ASB18: variants seen among roughly 807,000 people sequenced by gnomAD.
ASB18 encodes the protein ankyrin repeat and SOCS box protein 18.
Under a neutral mutation model 33.4 loss-of-function variants are expected in ASB18, and 33 were observed. The ratio of observed to expected loss-of-function variants is 0.99; its 90% CI spans 0.75 to 1.32. The LOEUF is 1.32. Ranked by LOEUF, ASB18 falls within the 40% of genes most tolerant of loss-of-function variation. The pLI, the probability that ASB18 is intolerant of heterozygous loss-of-function variation, is 0.00. For missense variants in ASB18, 694 were observed against 655.5 expected (o/e 1.06, Z -0.64); for synonymous variants, 295 against 307.6 (o/e 0.96, Z 0.43).
At position 236,203,884 on chromosome 2, in the gene ASB18, A is replaced by AAACCAACC. The variant is rs558164843; in HGVS notation, c.1102-7507_1102-7500dup. 1.0e-3 allele frequency among the ~76,000 whole-genome samples: 126 copies of AAACCAACC among 120,824 alleles called. 1 individual carries two copies. The highest frequency in any genetic ancestry group is 3.4e-3 in the African/African-American group (110 of 32,820). 79.3% of individuals were successfully genotyped at this position (120,824 alleles called of 152,430 possible). A position where few individuals can be genotyped will look rare whatever the true frequency, so the allele number is the denominator to read the frequency against. On this transcript the variant is annotated intron_variant, in intron 4 of 5. Transcript: ENST00000409749. This position sits in a 1 kb window ranked among gnomAD's most constrained non-coding sequence, Gnocchi z 6.0. ...CCCCTCTCAAAAACCAAACCAAACCAAACCAACCAACCAACCAACCAACCA... is the reference window on the plus strand; with the variant it reads ...CCCCTCTCAAAAACCAAACCAAACCAAACCAACCAACCAACCAACCAACCAACCAACCA...
rs2060654278 is a variant in ASB18, at chr2:236,248,521, A to T, written c.206-7119T>A. On this transcript the variant is annotated intron_variant, in intron 1 of 5. Transcript: ENST00000409749. This position sits in a 1 kb window ranked among gnomAD's most constrained non-coding sequence, Gnocchi z 4.9. ...GGCAGGAGAATTGCTTGAACCTGGG[A>T]GGCAGAGGTTGTGGTGAGTTGAGAT... 6.6e-6 allele frequency: 1 copy of T among 151,326 alleles called. No homozygotes were observed. Among genetic ancestry groups the T allele is most frequent in the Non-Finnish European group, 1.5e-5 (1 of 67,952 alleles). 9.4% of individuals were successfully genotyped at this position (151,326 alleles called of 1,614,324 possible).
In ASB18 at chr2:236,204,462, C is replaced by G. The variant is rs2060423359; in HGVS notation, c.1102-8077G>C. ...CTGCATTCAGGCCTGTTCCTCTTTT[C>G]CGTTTACTCTCACTTGCTGGTGATC... On this transcript the variant is annotated intron_variant, in intron 4 of 5. Transcript: ENST00000409749. The surrounding 1 kb of genome is among the most constrained non-coding windows in gnomAD (Gnocchi z 5.1). 6.6e-6 allele frequency among the ~76,000 whole-genome samples: 1 copy of G among 152,224 alleles called. No individual in the cohort carries two copies. The highest frequency in any genetic ancestry group is 6.5e-5 in the Admixed American group (1 of 15,284).
rs543479254 is a variant in ASB18 at position 236,259,665 on chromosome 2, C to G, written c.205+4476G>C. 2.2e-6 allele frequency: 1 copy of G among 454,908 alleles called. No homozygotes were observed. The highest frequency in any genetic ancestry group is 4.6e-6 in the Non-Finnish European group (1 of 217,126). The allele number at this position is 454,908 out of a possible 1,614,324, so 28.2% of individuals were successfully genotyped here. A position where few individuals can be genotyped will look rare whatever the true frequency, so the allele number is the denominator to read the frequency against. On this transcript the variant is annotated intron_variant, in intron 1 of 5. Transcript: ENST00000409749. The surrounding 1 kb of genome is among the most constrained non-coding windows in gnomAD (Gnocchi z 4.4). ...TGGGATGGGGATGCTGACTGTAGAG[C>G]GTGGGGGGCTCAGCCTCAGTGAGCC...
chr2:236,246,957 G>A (rs897602925), intron 1 of ASB18, among the ~76,000 whole-genome samples: 6 of 152,120 alleles, frequency 3.9e-5, no homozygotes, highest in Non-Finnish European at 8.8e-5. Context: ...ATAGCTTGTC[G>A]TTGGTTATTT....
At chr2:236,246,810 AAG>A (rs2060646814) in intron 1 of ASB18, among the ~76,000 whole-genome samples, 1 of 151,770 alleles carries the variant, frequency 6.6e-6, no homozygotes, top group South Asian at 2.1e-4. Flanking sequence ...TCCTTTCTCT[AAG>A]CATAGCCATT....
rs1330283143 is a variant in ASB18, at chr2:236,237,801, C to A, written c.484G>T (p.Gly162Trp). 33 of 1,425,336 alleles carry A rather than the reference C, an allele frequency of 2.3e-5. 1 individual carries two copies. Among genetic ancestry groups the A allele is most frequent in the South Asian group, 4.3e-5 (3 of 70,118 alleles). The allele number at this position is 1,425,336 out of a possible 1,614,324, so 88.3% of individuals were successfully genotyped here. A position where few individuals can be genotyped will look rare whatever the true frequency, so the allele number is the denominator to read the frequency against. The change falls in exon 3 of 6, where the codon GGG (glycine) becomes TGG (tryptophan). Residue 162 changes from glycine to tryptophan, a missense_variant. Physicochemically the swap from Gly to Trp is radical, Grantham distance 184 (BLOSUM62 -2). Coordinates refer to ENST00000409749, the MANE Select transcript of ASB18 (RefSeq NM_212556.4). The surrounding 1 kb of genome is among the most constrained non-coding windows in gnomAD (Gnocchi z 6.2). ...AGGCGGACGCAGGCGGTGTGGCCCC[C>A]GAGGCAGGCCTCGTGCAGGGCGCCG... ...GRGALHEACL[G>W]GHTACVRLLL...
chr2:236,228,244 T>C lies in ASB18; in HGVS notation c.596+9445A>G, dbSNP rs1312488178. Among the ~76,000 whole-genome samples the C allele has an allele frequency of 6.6e-6, 1 of 152,204 alleles. No individual in the cohort carries two copies. Among genetic ancestry groups the C allele is most frequent in the African/African-American group, 2.4e-5 (1 of 41,462 alleles). On this transcript the variant is annotated intron_variant, in intron 3 of 5. Coordinates refer to ENST00000409749, the MANE Select transcript of ASB18 (RefSeq NM_212556.4). This position sits in a 1 kb window ranked among gnomAD's most constrained non-coding sequence, Gnocchi z 5.1. ...GGAAATGTGTCACAAGGTTGGAACT[T>C]ACTCCCCAATATGATTGGCAGTATT...
chr2:236,242,849 C>T (rs1370880960), intron 1 of ASB18, among the ~76,000 whole-genome samples: 1 of 133,030 alleles, frequency 7.5e-6, no homozygotes, highest in Non-Finnish European at 1.6e-5. Flanking sequence ...AGGGTCCCCC[C>T]ATCTCTACAA....
In ASB18 at chr2:236,204,789, C is replaced by A. The variant is rs1489516992; in HGVS notation, c.1102-8404G>T. ...TTGCTCCTGTTTCTCCTACACTCCA[C>A]ATACCAAAAACTGAACTCCCTTGTT... On this transcript the variant is annotated intron_variant, in intron 4 of 5. Transcript: ENST00000409749. This position sits in a 1 kb window ranked among gnomAD's most constrained non-coding sequence, Gnocchi z 5.1. Among the ~76,000 whole-genome samples the A allele has an allele frequency of 2.0e-5, 3 of 151,936 alleles. No homozygotes were observed.
At chr2:236,240,158 T>C (rs975021185) in intron 2 of ASB18, among the ~76,000 whole-genome samples, 4 of 152,206 alleles carry the variant, frequency 2.6e-5, no homozygotes, top group African/African-American at 9.6e-5. Flanking sequence ...TGTGTGTGTA[T>C]GTCCAGGGCT....
Position 236,214,725 on chromosome 2 carries a change from G to C in ASB18, c.738C>G (p.Asp246Glu). Residue 246 changes from aspartate to glutamate, a missense_variant, in exon 4 of 6, where the codon GAC (aspartate) becomes GAG (glutamate). Physicochemically the swap from Asp to Glu is conservative, Grantham distance 45 (BLOSUM62 2). Coordinates refer to ENST00000409749, the MANE Select transcript of ASB18 (RefSeq NM_212556.4). The surrounding 1 kb of genome is among the most constrained non-coding windows in gnomAD (Gnocchi z 6.5). ...RLYLGRGAHV[D>E]ARNGRGETAL... ...CCGTCTCTCCGCGGCCGTTCCTCGC[G>C]TCCACGTGCGCCCCGCGGCCCAGGT... 8.6e-7 allele frequency: 1 copy of C among 1,160,352 alleles called. No individual in the cohort carries two copies. 71.9% of individuals were successfully genotyped at this position (1,160,352 alleles called of 1,614,324 possible).
Position 236,205,306 on chromosome 2 carries a change from TG to T in ASB18, c.1102-8922del, listed in dbSNP as rs1320842731. 6.6e-6 allele frequency among the ~76,000 whole-genome samples: 1 copy of T among 152,188 alleles called. No homozygotes were observed. Among genetic ancestry groups the T allele is most frequent in the Non-Finnish European group, 1.5e-5 (1 of 68,042 alleles). Reference sequence around the variant, plus strand: ...CATCTCCGGCCACACTGGTCCCCTGTGGTTCTGTGCGCAGGGCTGGCCCACT... The same window carrying T: ...CATCTCCGGCCACACTGGTCCCCTGTGTTCTGTGCGCAGGGCTGGCCCACT... On this transcript the variant is annotated intron_variant, in intron 4 of 5. Transcript: ENST00000409749. This position sits in a 1 kb window ranked among gnomAD's most constrained non-coding sequence, Gnocchi z 5.4.
rs113672805 is a variant in ASB18 at position 236,252,267 on chromosome 2, T to TCACACACACACA, written c.206-10877_206-10866dup. On this transcript the variant is annotated intron_variant, in intron 1 of 5. Coordinates refer to ENST00000409749, the MANE Select transcript of ASB18 (RefSeq NM_212556.4). This position sits in a 1 kb window ranked among gnomAD's most constrained non-coding sequence, Gnocchi z 7.9. ...GCCTTGGCAACAGAGTGAGACTCCGTCACACACACACACACACACACACAC... is the reference window on the plus strand; with the variant it reads ...GCCTTGGCAACAGAGTGAGACTCCGTCACACACACACACACACACACACACACACACACACAC... Among the ~76,000 whole-genome samples the TCACACACACACA allele has an allele frequency of 5.5e-3, 759 of 138,654 alleles. 8 individuals carry two copies. The highest frequency in any genetic ancestry group is 0.012 in the East Asian group (51 of 4,390). The allele number at this position is 138,654 out of a possible 152,430, so 91.0% of individuals were successfully genotyped here.
At chr2:236,202,812 TATAC>T (rs1361686698) in intron 4 of ASB18, among the ~76,000 whole-genome samples, 8 of 119,896 alleles carry the variant, frequency 6.7e-5, no homozygotes, top group African/African-American at 2.5e-4. Context: ...TATATATATA[TATAC>T]ACACACCTAT....
In ASB18 at chr2:236,262,032, G is replaced by A. The variant is rs2060721213; in HGVS notation, c.205+2109C>T. Among the ~76,000 whole-genome samples the A allele has an allele frequency of 6.6e-6, 1 of 152,190 alleles. No individual in the cohort carries two copies. Among genetic ancestry groups the A allele is most frequent in the African/African-American group, 2.4e-5 (1 of 41,434 alleles). On this transcript the variant is annotated intron_variant, in intron 1 of 5. Coordinates refer to ENST00000409749, the MANE Select transcript of ASB18 (RefSeq NM_212556.4). The surrounding 1 kb of genome is among the most constrained non-coding windows in gnomAD (Gnocchi z 5.2). The stretch of plus-strand genomic sequence containing the variant: ...AAGATGAGATTTGGGTGGGGACACA[G>A]CCAAACCATATCAGTATGTAATTTA...
chr2:236,220,338 C>G lies in ASB18; in HGVS notation c.597-5472G>C, dbSNP rs923313382. 2.6e-5 allele frequency among the ~76,000 whole-genome samples: 4 copies of G among 152,180 alleles called. No individual in the cohort carries two copies. Among genetic ancestry groups the G allele is most frequent in the Non-Finnish European group, 4.4e-5 (3 of 68,034 alleles). ...CCTTCCTTTACCCACCTGTCTCACC[C>G]ACCTGCTCCCACCTGTCTCAGCTGC... On this transcript the variant is annotated intron_variant, in intron 3 of 5. Coordinates refer to ENST00000409749, the MANE Select transcript of ASB18 (RefSeq NM_212556.4). The surrounding 1 kb of genome is among the most constrained non-coding windows in gnomAD (Gnocchi z 5.1).
At chr2:236,227,254 A>G (rs1330465819) in intron 3 of ASB18, among the ~76,000 whole-genome samples, 1 of 152,206 alleles carries the variant, frequency 6.6e-6, no homozygotes, top group Non-Finnish European at 1.5e-5. Flanking sequence ...ACATTATAGC[A>G]AATAAATCAT....
chr2:236,202,560 C>A (rs1384776784), intron 4 of ASB18, among the ~76,000 whole-genome samples: 1 of 151,752 alleles, frequency 6.6e-6, no homozygotes, highest in African/African-American at 2.4e-5. Flanking sequence ...GTGGCTCACG[C>A]CTGTAATCCC....
intron 3 of ASB18, among the ~76,000 whole-genome samples, chr2:236,218,341 G>C (rs1053439705): frequency 6.6e-6 from 1 of 152,154 alleles, no homozygotes; most frequent in Non-Finnish European, 1.5e-5. Context: ...ACTGGGGCAC[G>C]TCTGCTGGTA....
Sources: allele counts gnomAD v4.1 joint callset (sites outside exome capture counted in the v4.1 genomes callset), GRCh38; gene constraint gnomAD v4.1.1; non-coding constraint Gnocchi (gnomAD v3.1); transcripts MANE v1.5; gene names NCBI Gene and HGNC (gene_info 2026-07-23, HGNC 2026-07-21).